The following LCMT1 variants were observed in gnomAD, a reference collection of about 807,000 sequenced individuals.
LCMT1 encodes leucine carboxyl methyltransferase 1, also known as [Phosphatase 2A protein]-leucine-carboxy methyltransferase 1.
LCMT1 carries 32 observed loss-of-function variants against 47.7 expected under a neutral mutation model. The observed-to-expected ratio is 0.67, with a 90% CI of 0.51 to 0.90. The LOEUF is 0.90. Among genes scored for constraint, LCMT1 ranks in the 40% least tolerant of loss-of-function variants. The pLI, the probability that LCMT1 is intolerant of heterozygous loss-of-function variation, is 0.00. For synonymous variants in LCMT1, 152 were observed against 149.7 expected, an observed-to-expected ratio of 1.02 and a Z score of -0.11; for missense variants, 375 against 415.2, an observed-to-expected ratio of 0.90 and a Z score of 0.84.
rs778967881 is a variant in LCMT1, at chr16:25,169,242, T to G, written c.792+29T>G. On this transcript the variant is annotated intron_variant, in intron 8 of 10. Coordinates refer to ENST00000399069, the MANE Select transcript of LCMT1 (RefSeq NM_016309.3). Reference sequence around the variant, plus strand: ...AGAGAGCAGGGACTGGGATATCCATTTGGACCCTTAGTCAACCAAGATATA... The same window carrying G: ...AGAGAGCAGGGACTGGGATATCCATGTGGACCCTTAGTCAACCAAGATATA... The G allele has an allele frequency of 6.9e-6, 10 of 1,444,008 alleles. No individual in the cohort carries two copies. In the East Asian group the frequency reaches 1.8e-4, roughly 26 times the overall value. 89.4% of individuals were successfully genotyped at this position (1,444,008 alleles called of 1,614,324 possible).
chr16:25,112,001 C>T lies in LCMT1; in HGVS notation c.113+5C>T, dbSNP rs189746589. ...AGATGCTTCCCTGTGCAAGAGGTGCCTGTCGGGCGCGGGGTTCGGGGCCGG... is the reference window on the plus strand; with the variant it reads ...AGATGCTTCCCTGTGCAAGAGGTGCTTGTCGGGCGCGGGGTTCGGGGCCGG... On this transcript the variant is annotated splice_donor_5th_base_variant and intron_variant, in intron 1 of 10. Coordinates refer to ENST00000399069, the MANE Select transcript of LCMT1 (RefSeq NM_016309.3). 2.4e-4 allele frequency: 390 copies of T among 1,607,386 alleles called. 3 individuals are homozygous for T. The African/African-American group carries it at 4.6e-3, about 19-fold the overall frequency.
At chr16:25,154,718 G>A (rs1961199252) in intron 5 of LCMT1, among the ~76,000 whole-genome samples, 1 of 151,412 alleles carries the variant, frequency 6.6e-6, no homozygotes, top group African/African-American at 2.4e-5. Context: ...TCGATCTCCT[G>A]ACCTCGTGAT....
At chr16:25,133,215 G>T (rs1187781792) in intron 3 of LCMT1, among the ~76,000 whole-genome samples, 1 of 151,940 alleles carries the variant, frequency 6.6e-6, no homozygotes, top group African/African-American at 2.4e-5. Context: ...GGCTTCTTGG[G>T]TAAAATTTGG....
chr16:25,113,154 AAAAAAAGTG>A (rs1032349316), intron 1 of LCMT1, among the ~76,000 whole-genome samples: 1 of 151,644 alleles, frequency 6.6e-6, no homozygotes, highest in African/African-American at 2.4e-5. Flanking sequence ...AAAAAAAAAA[AAAAAAAGTG>A]AGAAGAAAAG....
Position 25,132,858 on chromosome 16 carries a change from C to CTTTTTT in LCMT1, c.327+347_327+352dup, listed in dbSNP as rs34311865. ...GGAGAGCTCATGCATGCATTTGTAA[C>CTTTTTT]TTTTTTTTTTTTTTTTTGAGCCAGA... On this transcript the variant is annotated intron_variant, in intron 3 of 10. Coordinates refer to ENST00000399069, the MANE Select transcript of LCMT1 (RefSeq NM_016309.3). 6.4e-5 allele frequency among the ~76,000 whole-genome samples: 9 copies of CTTTTTT among 140,610 alleles called. 1 individual carries two copies. Among genetic ancestry groups the CTTTTTT allele is most frequent in the African/African-American group, 2.4e-4 (9 of 36,964 alleles). The allele number at this position is 140,610 out of a possible 152,430, so 92.2% of individuals were successfully genotyped here. A position where few individuals can be genotyped will look rare whatever the true frequency, so the allele number is the denominator to read the frequency against.
At chr16:25,173,864 C>T (rs277889) in intron 9 of LCMT1, among the ~76,000 whole-genome samples, 6 of 151,596 alleles carry the variant, frequency 4.0e-5, no homozygotes, top group South Asian at 2.1e-4. Context: ...TTTTTTAAAA[C>T]GCTATTTCCA....
intron 4 of LCMT1, chr16:25,144,774 G>C (rs1597582870): frequency 6.6e-6 from 1 of 152,128 alleles, no homozygotes; most frequent in East Asian, 1.9e-4. Context: ...CAGCAGCCAG[G>C]CCGCTTCTGT....
rs1484136546 is a variant in LCMT1, at chr16:25,140,249, T to G, written c.404+2T>G. On this transcript the variant is annotated splice_donor_variant, in intron 4 of 10. Coordinates refer to ENST00000399069, the MANE Select transcript of LCMT1 (RefSeq NM_016309.3). LOFTEE classifies it high-confidence loss of function. ...CACGAGAAAGCTGCACAGTATCAAG[T>G]AAGTGTGGCATGGCCAGAAGAACAA... The G allele has an allele frequency of 6.3e-7, 1 of 1,590,694 alleles. No individual in the cohort carries two copies. Among genetic ancestry groups the G allele is most frequent in the Non-Finnish European group, 8.6e-7 (1 of 1,166,688 alleles).
chr16:25,123,102 T>C (rs923710391), intron 1 of LCMT1, among the ~76,000 whole-genome samples: 6 of 152,198 alleles, frequency 3.9e-5, no homozygotes, highest in Non-Finnish European at 7.3e-5. Flanking sequence ...TTCATCTGTC[T>C]TTTTTAGTGT....
intron 1 of LCMT1, among the ~76,000 whole-genome samples, chr16:25,113,754 A>G (rs935298665): frequency 4.6e-5 from 7 of 152,180 alleles, no homozygotes; most frequent in South Asian, 2.1e-4. Context: ...TCCTGCCTCA[A>G]CCTTCCAAGT....
intron 9 of LCMT1, among the ~76,000 whole-genome samples, chr16:25,172,622 A>G (rs1322051703): frequency 1.3e-5 from 2 of 152,242 alleles, no homozygotes; most frequent in Non-Finnish European, 2.9e-5. Flanking sequence ...GATCATGAGA[A>G]GAATTTTGGC....
intron 2 of LCMT1, 85 bp downstream of exon 2, chr16:25,128,651 C>A: frequency 9.8e-7 from 1 of 1,017,190 alleles, no homozygotes; most frequent in Non-Finnish European, 1.5e-6. Flanking sequence ...TCGTGGTGTG[C>A]TCCCTTTCCA....
rs552155071 is a variant in LCMT1 at position 25,171,872 on chromosome 16, T to C, written c.884+1067T>C. Among the ~76,000 whole-genome samples the C allele has an allele frequency of 4.6e-5, 7 of 152,346 alleles. No individual in the cohort carries two copies. In the South Asian group the frequency reaches 1.4e-3, roughly 32 times the overall value. On this transcript the variant is annotated intron_variant, in intron 9 of 10. Coordinates refer to ENST00000399069, the MANE Select transcript of LCMT1 (RefSeq NM_016309.3). ...TTTCCTACATAGATAGATAAATATT[T>C]ATTGATACATAGATTTCTATTTTTT...
intron 5 of LCMT1, among the ~76,000 whole-genome samples, chr16:25,151,929 A>G (rs1014007968): frequency 6.3e-5 from 9 of 142,266 alleles, no homozygotes; most frequent in Non-Finnish European, 1.1e-4. Flanking sequence ...GGGTGAACAT[A>G]CATATTTAAT....
In LCMT1 at chr16:25,169,271, A is replaced by C. The variant is rs186265866; in HGVS notation, c.792+58A>C. The C allele has an allele frequency of 4.9e-5, 56 of 1,153,978 alleles. No homozygotes were observed. In the East Asian group the frequency reaches 1.2e-3, roughly 25 times the overall value. The allele number at this position is 1,153,978 out of a possible 1,614,324, so 71.5% of individuals were successfully genotyped here. Reference sequence around the variant, plus strand: ...ACCCTTAGTCAACCAAGATATATAAAGGTCTTTCTTTGCAGATGTGATCAT... The same window carrying C: ...ACCCTTAGTCAACCAAGATATATAACGGTCTTTCTTTGCAGATGTGATCAT... On this transcript the variant is annotated intron_variant, in intron 8 of 10. Transcript: ENST00000399069.
intron 2 of LCMT1, among the ~76,000 whole-genome samples, chr16:25,130,305 A>C (rs979367446): frequency 2.8e-5 from 4 of 143,234 alleles, no homozygotes; most frequent in South Asian, 2.2e-4. Flanking sequence ...ACGCCACTGC[A>C]CTCCAGTCTG....
At chr16:25,119,737 G>A (rs1959909693) in intron 1 of LCMT1, among the ~76,000 whole-genome samples, 1 of 152,066 alleles carries the variant, frequency 6.6e-6, no homozygotes, top group South Asian at 2.1e-4. Flanking sequence ...CATCTTCTTA[G>A]CTATGCCCCA....
chr16:25,153,819 G>A (rs1208992888), intron 5 of LCMT1, among the ~76,000 whole-genome samples: 1 of 151,958 alleles, frequency 6.6e-6, no homozygotes, highest in Non-Finnish European at 1.5e-5. Context: ...TGGGTGTGGT[G>A]GCTGGCGCCT....
At chr16:25,174,112 A>G (rs376905426) in intron 9 of LCMT1, among the ~76,000 whole-genome samples, 4 of 152,100 alleles carry the variant, frequency 2.6e-5, no homozygotes, top group African/African-American at 4.8e-5. Flanking sequence ...GGGTTTCACC[A>G]TGTTGGCCAG....
Sources: gnomAD v4.1 joint callset for allele counts (sites outside exome capture counted in the v4.1 genomes callset) on GRCh38, gnomAD v4.1.1 for gene constraint, MANE v1.5 for transcripts, NCBI Gene and HGNC (gene_info 2026-07-23, HGNC 2026-07-21) for gene names.